Variants in NCOA1 observed in about 807,000 individuals in gnomAD.
NCOA1 encodes the protein Hin-2 protein.
A neutral mutation model predicts 150.9 loss-of-function variants in NCOA1; 35 were observed. The observed-to-expected ratio is 0.23, with a 90% CI of 0.18 to 0.31. NCOA1 has a LOEUF of 0.31. Ranked by LOEUF, NCOA1 falls within the 10% of genes least tolerant of loss-of-function variation. The probability of loss-of-function intolerance (pLI) is 1.00; values close to 1 mark genes in which losing one functional copy is unlikely to be tolerated. For missense variants in NCOA1, 1,491 were observed against 1,749.3 expected (o/e 0.85, Z 2.63); for synonymous variants, 590 against 630.0 (o/e 0.94, Z 0.95).
chr2:24,634,167 GA>G (rs1488587253), intron 3 of NCOA1, among the ~76,000 whole-genome samples: 1 of 152,148 alleles, frequency 6.6e-6, no homozygotes, highest in Non-Finnish European at 1.5e-5. Flanking sequence ...AAATTGACCA[GA>G]AGGTATGTAC....
At chr2:24,639,970 A>ATATATT (rs1670129654) in intron 3 of NCOA1, among the ~76,000 whole-genome samples, 1 of 128,644 alleles carries the variant, frequency 7.8e-6, no homozygotes, top group African/African-American at 3.1e-5. Flanking sequence ...ATATATATAT[A>ATATATT]TTCAGAGTAT....
chr2:24,500,178 G>A (rs1663399367), intron 1 of NCOA1, among the ~76,000 whole-genome samples: 1 of 151,792 alleles, frequency 6.6e-6, no homozygotes, highest in Non-Finnish European at 1.5e-5. Context: ...GCGCGATCTC[G>A]GCTCACTGCA....
chr2:24,610,997 G>T (rs1357354051), intron 3 of NCOA1, among the ~76,000 whole-genome samples: 12 of 152,064 alleles, frequency 7.9e-5, no homozygotes, highest in Non-Finnish European at 1.5e-4. Flanking sequence ...GTACAGGTTT[G>T]TTACATGGGT....
At chr2:24,495,892 A>G (rs894972256) in intron 1 of NCOA1, among the ~76,000 whole-genome samples, 3 of 152,220 alleles carry the variant, frequency 2.0e-5, no homozygotes, top group Non-Finnish European at 2.9e-5. Context: ...TGTTTAGCAT[A>G]TGATTGGCAC....
intron 2 of NCOA1, among the ~76,000 whole-genome samples, chr2:24,570,153 C>A (rs1666688871): frequency 6.7e-6 from 1 of 150,134 alleles, no homozygotes; most frequent in African/African-American, 2.5e-5. Context: ...ATCATAATAT[C>A]CAGGCTGTAT....
intron 6 of NCOA1, among the ~76,000 whole-genome samples, chr2:24,670,229 G>A (rs1671620891): frequency 6.6e-6 from 1 of 152,188 alleles, no homozygotes; most frequent in Non-Finnish European, 1.5e-5. Context: ...ATGGAGCCAC[G>A]TTGGAAAACA....
chr2:24,526,702 G>A (rs904977978), intron 1 of NCOA1, among the ~76,000 whole-genome samples: 3 of 145,664 alleles, frequency 2.1e-5, no homozygotes, highest in Middle Eastern at 3.4e-3. Flanking sequence ...TGACAAGAGC[G>A]AGACCCTTTC....
intron 4 of NCOA1, among the ~76,000 whole-genome samples, chr2:24,648,396 C>G (rs1407361066): frequency 6.6e-6 from 1 of 152,054 alleles, no homozygotes; most frequent in Non-Finnish European, 1.5e-5. Flanking sequence ...CCTCAGCCTT[C>G]CAAGTAGCTG....
At chr2:24,561,491 A>G (rs1376690034) in intron 1 of NCOA1, among the ~76,000 whole-genome samples, 1 of 152,210 alleles carries the variant, frequency 6.6e-6, no homozygotes, top group East Asian at 1.9e-4. Context: ...TTCACCAATG[A>G]GAGAGTGAAT....
intron 1 of NCOA1, among the ~76,000 whole-genome samples, chr2:24,550,266 G>T (rs781497639): frequency 3.9e-5 from 6 of 152,154 alleles, no homozygotes; most frequent in Non-Finnish European, 8.8e-5. Context: ...CTTTTCAGCA[G>T]CACCCCCGAC....
At chr2:24,544,889 A>G (rs1260169427) in intron 1 of NCOA1, among the ~76,000 whole-genome samples, 1 of 152,202 alleles carries the variant, frequency 6.6e-6, no homozygotes, top group East Asian at 1.9e-4. Context: ...AATCATGGGA[A>G]CTAGTTTTCT....
intron 17 of NCOA1, among the ~76,000 whole-genome samples, chr2:24,733,971 G>A (rs1252468405): frequency 6.6e-6 from 1 of 152,088 alleles, no homozygotes; most frequent in African/African-American, 2.4e-5. Context: ...GATCACCTGA[G>A]GTCAAGAGTT....
intron 17 of NCOA1, among the ~76,000 whole-genome samples, chr2:24,734,018 C>G (rs1198957547): frequency 2.0e-5 from 3 of 151,864 alleles, no homozygotes; most frequent in African/African-American, 7.3e-5. Flanking sequence ...AGCCCCGTCT[C>G]TACTAAAAAT....
intron 3 of NCOA1, among the ~76,000 whole-genome samples, chr2:24,643,213 A>T (rs2148461365): frequency 6.6e-6 from 1 of 152,326 alleles, no homozygotes; most frequent in East Asian, 1.9e-4. Flanking sequence ...GCCTCAAGCC[A>T]ATAAGACTGT....
chr2:24,634,525 A>T (rs547111331), intron 3 of NCOA1, among the ~76,000 whole-genome samples: 241 of 152,284 alleles, frequency 1.6e-3, no homozygotes, highest in Middle Eastern at 3.4e-3. Context: ...GTACTGCATT[A>T]ACCAGTACAT....
At chr2:24,711,142 A>T (rs1406160584) in intron 14 of NCOA1, 31 bp downstream of exon 14, 1 of 1,581,300 alleles carries the variant, frequency 6.3e-7, no homozygotes, top group Non-Finnish European at 8.6e-7. Flanking sequence ...CTCATTTTAA[A>T]CGTTTAGTGA....
chr2:24,645,935 A>C (rs1339567040), intron 4 of NCOA1, among the ~76,000 whole-genome samples: 1 of 152,204 alleles, frequency 6.6e-6, no homozygotes, highest in Non-Finnish European at 1.5e-5. Context: ...TTAATTAAGT[A>C]GGAGAGCCAT....
At chr2:24,569,552 A>ATT (rs200639064) in intron 2 of NCOA1, among the ~76,000 whole-genome samples, 5,422 of 93,710 alleles carry the variant, frequency 0.058, 606 homozygotes, top group Non-Finnish European at 0.073. Flanking sequence ...GGTTTTATTA[A>ATT]TTTTTTTTTT....
At chr2:24,677,014 G>T (rs1572577701) in intron 7 of NCOA1, among the ~76,000 whole-genome samples, 1 of 152,202 alleles carries the variant, frequency 6.6e-6, no homozygotes, top group East Asian at 1.9e-4. Flanking sequence ...CAAACAGGGA[G>T]AGTATATTAG....
Sources: allele counts gnomAD v4.1 joint callset (sites outside exome capture counted in the v4.1 genomes callset), GRCh38; gene constraint gnomAD v4.1.1; transcripts MANE v1.5; gene names NCBI Gene and HGNC (gene_info 2026-07-23, HGNC 2026-07-21).